The following SPTBN5 variants were observed in gnomAD, a reference collection of about 807,000 sequenced individuals.
SPTBN5 encodes the protein spectrin beta chain, non-erythrocytic 5.
Under a neutral mutation model 477.6 loss-of-function variants are expected in SPTBN5, and 513 were observed. That is an observed-to-expected ratio of 1.07 (90% CI 1.00 to 1.16). SPTBN5 has a LOEUF of 1.16. SPTBN5 is among the 50% of genes most tolerant of loss of function. The pLI, the probability that SPTBN5 is intolerant of heterozygous loss-of-function variation, is 0.00. For synonymous variants in SPTBN5, 2,169 were observed against 2,011.7 expected (o/e 1.08, Z -2.09); for missense variants, 5,062 against 4,731.8 (o/e 1.07, Z -2.05).
chr15:41,852,507 T>G, intron 61 of SPTBN5, 127 bp downstream of exon 61: 1 of 1,312,112 alleles, frequency 7.6e-7, no homozygotes, highest in Non-Finnish European at 1.1e-6. Context: ...CCACCGCAGC[T>G]GGCCAGGGAA....
chr15:41,888,280 A>T (rs1447454710), intron 4 of SPTBN5, among the ~76,000 whole-genome samples, 195 bp from the exon 5 acceptor site: 1 of 152,212 alleles, frequency 6.6e-6, no homozygotes, highest in Non-Finnish European at 1.5e-5. Flanking sequence ...TGGGGGTGAG[A>T]GTGACTGGCC....
intron 29 of SPTBN5, 116 bp downstream of exon 29, chr15:41,871,259 G>T: frequency 8.2e-7 from 1 of 1,213,940 alleles, no homozygotes; most frequent in South Asian, 2.9e-5. Context: ...GAGCCCCGTG[G>T]GCAGCCAGGG....
chr15:41,851,435 C>T (rs1165864334), intron 63 of SPTBN5, 66 bp from the exon 64 acceptor site: 23 of 1,187,862 alleles, frequency 1.9e-5, no homozygotes, highest in Middle Eastern at 2.3e-4. Context: ...GGCCTGTCCA[C>T]GCCTCACCAT....
Position 41,871,907 on chromosome 15 carries a change from G to C in SPTBN5, c.5176C>G (p.Leu1726Val). The C allele has an allele frequency of 6.3e-7, 1 of 1,578,792 alleles. No homozygotes were observed. Among genetic ancestry groups the C allele is most frequent in the South Asian group, 1.2e-5 (1 of 86,080 alleles). The part of the protein sequence containing the change: ...QELAATRDRE[L>V]EGTLRLHEFL... Reference sequence around the variant, plus strand: ...TCATGCAGCCTCAGGGTCCCCTCCAGTTCCCGGTCCCTGTGGTAACAGTCC... The same window carrying C: ...TCATGCAGCCTCAGGGTCCCCTCCACTTCCCGGTCCCTGTGGTAACAGTCC... The change falls in exon 28 of 68, where the codon CTG becomes GTG. Residue 1726 changes from leucine to valine, a missense_variant. Leu to Val is a conservative substitution (Grantham distance 32, BLOSUM62 1). Transcript: ENST00000320955.
intron 49 of SPTBN5, 81 bp downstream of exon 49, chr15:41,858,521 G>A: frequency 6.7e-7 from 1 of 1,488,374 alleles, no homozygotes; most frequent in African/African-American, 1.4e-5. Context: ...CCGTTACTGT[G>A]GTTCAGCACC....
At position 41,882,009 on chromosome 15, in the gene SPTBN5, C is replaced by A. The variant is rs752559834; in HGVS notation, c.2384G>T (p.Arg795Leu). 12 of 1,537,126 alleles carry A rather than the reference C, an allele frequency of 7.8e-6. No homozygotes were observed. The highest frequency in any genetic ancestry group is 9.6e-6 in the Non-Finnish European group (11 of 1,151,316). Residue 795 changes from arginine (R) to leucine (L), a missense_variant, in exon 12 of 68, where the codon CGC (arginine) becomes CTC (leucine). Transcript: ENST00000320955. ...RRHVRLERVLRAFAAELRRLE... is the reference protein window; with the variant it reads ...RRHVRLERVLLAFAAELRRLE... ...CCGCCGCAGCTCGGCCGCGAAGGCG[C>A]GCAGGACGCGCTCCAGCCGCACGTG...
At chr15:41,868,264 G>C in intron 33 of SPTBN5, 46 bp from the exon 34 acceptor site, 2 of 1,571,666 alleles carry the variant, frequency 1.3e-6, no homozygotes, top group Non-Finnish European at 1.7e-6. Flanking sequence ...GGGTGGTGTG[G>C]GTGAGGTGAG....
At position 41,853,062 on chromosome 15, in the gene SPTBN5, G is replaced by C. The variant is rs566461204; in HGVS notation, c.10171-62C>G. ...TAGGGCTCCCACCATGGGCAGGGCA[G>C]GGCTGGAGAGCCAAGTGTTAATGGA... On this transcript the variant is annotated intron_variant, in intron 59 of 67. Coordinates refer to ENST00000320955, the MANE Select transcript of SPTBN5 (RefSeq NM_016642.4). The C allele has an allele frequency of 9.6e-6, 14 of 1,456,504 alleles. No individual in the cohort carries two copies. In the South Asian group the frequency reaches 1.9e-4, roughly 19 times the overall value. The allele number at this position is 1,456,504 out of a possible 1,614,324, so 90.2% of individuals were successfully genotyped here. A position where few individuals can be genotyped will look rare whatever the true frequency, so the allele number is the denominator to read the frequency against.
At chr15:41,867,436 C>A (rs554357912) in intron 35 of SPTBN5, 102 bp downstream of exon 35, 2 of 1,141,462 alleles carry the variant, frequency 1.8e-6, no homozygotes, top group East Asian at 2.3e-5. Context: ...GCAGGCTCAT[C>A]AGCACTGCCT....
In SPTBN5 at chr15:41,876,634, G is replaced by C; in HGVS notation, c.3865C>G (p.Leu1289Val). 6.4e-7 allele frequency: 1 copy of C among 1,573,226 alleles called. No individual in the cohort carries two copies. Residue 1289 changes from leucine to valine, a missense_variant, in exon 20 of 68, where the codon CTG becomes GTG. Coordinates refer to ENST00000320955, the MANE Select transcript of SPTBN5 (RefSeq NM_016642.4). ...GTCCACTGTGCCTGGATACTCTGCA[G>C]CTGCTCTCTGACCCTGGAGGGCGGG... ...HPAAHTVREQ[L>V]QSIQAQWTRL...
chr15:41,854,952 A>G lies in SPTBN5; in HGVS notation c.9448T>C (p.Phe3150Leu). Reference sequence around the variant, plus strand: ...CCCAGGCTCTGCACTTCCTTTCTGAAAGCATCAAACTTCTCTTCCAGCACC... The same window carrying G: ...CCCAGGCTCTGCACTTCCTTTCTGAGAGCATCAAACTTCTCTTCCAGCACC... ...VKVLEEKFDAFRKEVQSLGQA... is the reference protein window; with the variant it reads ...VKVLEEKFDALRKEVQSLGQA... Residue 3150 changes from phenylalanine (F) to leucine (L), a missense_variant, in exon 56 of 68, where the codon TTC becomes CTC. Physicochemically the swap from Phe to Leu is conservative, Grantham distance 22. Transcript: ENST00000320955. The G allele has an allele frequency of 6.4e-7, 1 of 1,556,036 alleles. No homozygotes were observed. Among genetic ancestry groups the G allele is most frequent in the Non-Finnish European group, 8.7e-7 (1 of 1,152,094 alleles).
chr15:41,879,457 C>T lies in SPTBN5; in HGVS notation c.2985G>A (p.Gln995=). 6.3e-7 allele frequency: 1 copy of T among 1,597,648 alleles called. No individual in the cohort carries two copies. Among genetic ancestry groups the T allele is most frequent in the Non-Finnish European group, 8.5e-7 (1 of 1,173,906 alleles). ...LEALKREKAV[Q]LAHSVEVCSF... ...TGCACACTTCCACACTGTGTGCCAG[C>T]TGCACGGCCTTCTCCCTCTTCAGGG... The change falls in exon 16 of 68, where the codon CAG becomes CAA. Residue 995 remains glutamine, a synonymous_variant. Coordinates refer to ENST00000320955, the MANE Select transcript of SPTBN5 (RefSeq NM_016642.4).
At position 41,883,253 on chromosome 15, in the gene SPTBN5, A is replaced by G; in HGVS notation, c.1660-25T>C. Reference sequence around the variant, plus strand: ...CCTGGCCAGAGATGATGGTCATTGCAGTGGTCCCAAGGTGCTGGGTCCCTC... The same window carrying G: ...CCTGGCCAGAGATGATGGTCATTGCGGTGGTCCCAAGGTGCTGGGTCCCTC... On this transcript the variant is annotated intron_variant, in intron 8 of 67. Coordinates refer to ENST00000320955, the MANE Select transcript of SPTBN5 (RefSeq NM_016642.4). 4 of 1,606,126 alleles carry G rather than the reference A, an allele frequency of 2.5e-6. 1 individual carries two copies. In the South Asian group the frequency reaches 4.4e-5, roughly 18 times the overall value.
intron 48 of SPTBN5, 47 bp downstream of exon 48, chr15:41,858,843 C>T (rs751437974): frequency 3.9e-6 from 6 of 1,544,208 alleles, no homozygotes; most frequent in African/African-American, 2.7e-5. Context: ...TTCCCTGGGT[C>T]GACTCCTTCC....
chr15:41,890,059 A>G (rs762758044), intron 4 of SPTBN5, 30 bp downstream of exon 4: 26 of 1,494,828 alleles, frequency 1.7e-5, no homozygotes, highest in East Asian at 6.9e-5. Context: ...CTGGGTCACC[A>G]GGTGCTGGGT....
At chr15:41,850,012 G>A (rs978485614) in intron 66 of SPTBN5, 53 bp from the exon 67 acceptor site, 47 of 1,413,276 alleles carry the variant, frequency 3.3e-5, no homozygotes, top group East Asian at 1.5e-4. Flanking sequence ...ATCTGCAGGC[G>A]CCAGGTCTGG....
chr15:41,874,798 A>T (rs752573706), intron 23 of SPTBN5, 44 bp downstream of exon 23: 2 of 1,563,050 alleles, frequency 1.3e-6, no homozygotes, highest in Admixed American at 3.5e-5. Flanking sequence ...CCTTAAATTC[A>T]CATGGAGGAG....
intron 7 of SPTBN5, among the ~76,000 whole-genome samples, chr15:41,883,866 C>T (rs2067061711): frequency 6.6e-6 from 1 of 152,212 alleles, no homozygotes; most frequent in Non-Finnish European, 1.5e-5. Flanking sequence ...TCTTGGCTCA[C>T]TGCAACCTCC....
At chr15:41,849,811 C>T (rs1388669834) in intron 67 of SPTBN5, 58 bp downstream of exon 67, 1 of 1,360,020 alleles carries the variant, frequency 7.4e-7, no homozygotes, top group Non-Finnish European at 1.0e-6. Flanking sequence ...AGGACAGCGC[C>T]TGCCAGCCAC....
Sources: gnomAD v4.1 joint callset for allele counts (sites outside exome capture counted in the v4.1 genomes callset) on GRCh38, gnomAD v4.1.1 for gene constraint, MANE v1.5 for transcripts, NCBI Gene and HGNC (gene_info 2026-07-23, HGNC 2026-07-21) for gene names.